Variants in MSH3 observed in about 807,000 individuals in gnomAD.
MSH3 encodes DNA mismatch repair protein Msh3.
In MSH3, 106 loss-of-function variants were observed where a neutral mutation model predicts 123.3. The observed-to-expected ratio is 0.86, with a 90% CI of 0.73 to 1.01. The LOEUF is 1.01. Among genes scored for constraint, MSH3 ranks in the 50% least tolerant of loss-of-function variants. The pLI, the probability that MSH3 is intolerant of heterozygous loss-of-function variation, is 0.00. For synonymous variants in MSH3, 515 were observed against 481.4 expected (o/e 1.07, Z -0.91); for missense variants, 1,459 against 1,347.6 (o/e 1.08, Z -1.29).
intron 11 of MSH3, among the ~76,000 whole-genome samples, chr5:80,744,067 T>A (rs1743669653): frequency 1.3e-5 from 2 of 152,160 alleles, no homozygotes; most frequent in Non-Finnish European, 2.9e-5. Flanking sequence ...CCTTCCTGGG[T>A]AAATACCTAG....
At chr5:80,730,630 T>C (rs887632912) in intron 10 of MSH3, among the ~76,000 whole-genome samples, 25 of 152,088 alleles carry the variant, frequency 1.6e-4, no homozygotes, top group Admixed American at 1.5e-3. Flanking sequence ...ATCTGTATGG[T>C]TGGTTGTGTT....
intron 20 of MSH3, among the ~76,000 whole-genome samples, chr5:80,831,644 T>C (rs1745418500): frequency 6.6e-6 from 1 of 152,036 alleles, no homozygotes; most frequent in African/African-American, 2.4e-5. Flanking sequence ...TTAGAGTACT[T>C]TGTTAGTTAG....
At chr5:80,756,947 A>G (rs26781) in intron 12 of MSH3, among the ~76,000 whole-genome samples, 34,521 of 152,078 alleles carry the variant, frequency 0.23, 4,111 homozygotes, top group Non-Finnish European at 0.27. Flanking sequence ...CACATGACCA[A>G]TGTGTTAATG....
At position 80,656,464 on chromosome 5, in the gene MSH3, TAAAA is replaced by T. The variant is rs1580540688; in HGVS notation, c.293_296del (p.Lys98ArgfsTer3). ...GACCATTGGAAAATGATGGGCCTGT[TAAAA>T]AGAAAGTAAAGAAAGTCCAACAAAA... On this transcript the variant is annotated frameshift_variant, in exon 2 of 24. Coordinates refer to ENST00000265081, the MANE Select transcript of MSH3 (RefSeq NM_002439.5). LOFTEE classifies it high-confidence loss of function. The T allele has an allele frequency of 6.2e-7, 1 of 1,614,164 alleles. No homozygotes were observed. Among genetic ancestry groups the T allele is most frequent in the African/African-American group, 1.3e-5 (1 of 75,030 alleles).
At chr5:80,780,367 C>T (rs1744389578) in intron 17 of MSH3, among the ~76,000 whole-genome samples, 1 of 152,168 alleles carries the variant, frequency 6.6e-6, no homozygotes, top group Admixed American at 6.5e-5. Flanking sequence ...GTATTTTTCA[C>T]GTGACCCCTG....
chr5:80,851,242 T>C (rs1745825250), intron 20 of MSH3, among the ~76,000 whole-genome samples: 1 of 152,216 alleles, frequency 6.6e-6, no homozygotes, highest in Non-Finnish European at 1.5e-5. Flanking sequence ...TTATAGGTCA[T>C]GAAAGATTTC....
At chr5:80,830,199 C>G (rs904028578) in intron 20 of MSH3, among the ~76,000 whole-genome samples, 1 of 152,036 alleles carries the variant, frequency 6.6e-6, no homozygotes, top group Non-Finnish European at 1.5e-5. Context: ...TGATTTTTCT[C>G]TATTGATTTT....
chr5:80,824,306 G>T (rs1745252561), intron 20 of MSH3, among the ~76,000 whole-genome samples: 1 of 151,954 alleles, frequency 6.6e-6, no homozygotes, highest in African/African-American at 2.4e-5. Context: ...GGACGGGGTG[G>T]CGGCTGGGCG....
At chr5:80,656,595 G>A in intron 2 of MSH3, 64 bp downstream of exon 2, 2 of 1,604,454 alleles carry the variant, frequency 1.2e-6, no homozygotes, top group Non-Finnish European at 1.7e-6. Context: ...ATTCTCCAGA[G>A]GGCAGAAGAG....
intron 2 of MSH3, among the ~76,000 whole-genome samples, chr5:80,664,187 T>A: frequency 6.6e-6 from 1 of 152,196 alleles, no homozygotes; most frequent in East Asian, 1.9e-4. Context: ...GATTTTAAGC[T>A]GTGAAAATTA....
At chr5:80,759,015 A>G (rs895695152) in intron 12 of MSH3, among the ~76,000 whole-genome samples, 3 of 152,224 alleles carry the variant, frequency 2.0e-5, no homozygotes, top group African/African-American at 7.2e-5. Flanking sequence ...GTTAGAGTAA[A>G]ACATTGGTTT....
chr5:80,734,330 GTA>G (rs1039967627), intron 10 of MSH3, among the ~76,000 whole-genome samples: 11 of 152,260 alleles, frequency 7.2e-5, no homozygotes, highest in Middle Eastern at 3.4e-3. Context: ...TTGCTAATGA[GTA>G]TAGAGTTTCT....
At position 80,672,728 on chromosome 5, in the gene MSH3, A is replaced by G. The variant is rs2112814222; in HGVS notation, c.910-13A>G. 1 of 1,597,916 alleles carries G rather than the reference A, an allele frequency of 6.3e-7. No individual in the cohort carries two copies. Among genetic ancestry groups the G allele is most frequent in the Non-Finnish European group, 8.6e-7 (1 of 1,165,318 alleles). ...TTATCCTTTGATAGCAATATTTCTT[A>G]TTTTTGTTGAAGGTGGGAGTTGTGA... On this transcript the variant is annotated splice_polypyrimidine_tract_variant and intron_variant, in intron 5 of 23. Transcript: ENST00000265081.
chr5:80,765,180 C>T (rs1744102308), intron 13 of MSH3, among the ~76,000 whole-genome samples: 1 of 152,218 alleles, frequency 6.6e-6, no homozygotes, highest in East Asian at 1.9e-4. Context: ...CACCTTGCTT[C>T]TGTTGCTGAC....
chr5:80,719,191 G>T (rs1279053635), intron 8 of MSH3, among the ~76,000 whole-genome samples: 2 of 152,006 alleles, frequency 1.3e-5, no homozygotes, highest in East Asian at 3.9e-4. Context: ...GGGACTACAG[G>T]CGCGTGCCAC....
At chr5:80,808,537 C>T (rs114793788) in intron 19 of MSH3, among the ~76,000 whole-genome samples, 1,652 of 152,078 alleles carry the variant, frequency 0.011, 28 homozygotes, top group African/African-American at 0.038. Flanking sequence ...CGGGAAGAAA[C>T]CTGTTTCCCA....
At chr5:80,788,784 C>G (rs1295210432) in intron 18 of MSH3, among the ~76,000 whole-genome samples, 2 of 137,656 alleles carry the variant, frequency 1.5e-5, no homozygotes, top group Non-Finnish European at 3.1e-5. Flanking sequence ...GCCTGGGTGA[C>G]AGAGCAAGAG....
At position 80,656,538 on chromosome 5, in the gene MSH3, T is replaced by A. The variant is rs766623274; in HGVS notation, c.358+7T>A. The A allele has an allele frequency of 2.5e-6, 4 of 1,613,894 alleles. No individual in the cohort carries two copies. On this transcript the variant is annotated splice_region_variant and intron_variant, in intron 2 of 23. Coordinates refer to ENST00000265081, the MANE Select transcript of MSH3 (RefSeq NM_002439.5). Reference sequence around the variant, plus strand: ...GGAATGTCTGGCAACTCTGGTGAGTTGTGGGGGATTCTTTTTTCTCCTCAG... The same window carrying A: ...GGAATGTCTGGCAACTCTGGTGAGTAGTGGGGGATTCTTTTTTCTCCTCAG...
intron 20 of MSH3, among the ~76,000 whole-genome samples, chr5:80,844,844 C>T (rs1745692867): frequency 6.6e-6 from 1 of 152,106 alleles, no homozygotes; most frequent in Non-Finnish European, 1.5e-5. Flanking sequence ...TGGGTGTTGA[C>T]TCTTTCTCCA....
Sources: gnomAD v4.1 joint callset for allele counts (sites outside exome capture counted in the v4.1 genomes callset) on GRCh38, gnomAD v4.1.1 for gene constraint, MANE v1.5 for transcripts, NCBI Gene and HGNC (gene_info 2026-07-23, HGNC 2026-07-21) for gene names.